The following NDRG4 variants were observed in gnomAD, a reference collection of about 807,000 sequenced individuals.
The protein encoded by NDRG4 is NDRG family member 4, also known as protein NDRG4.
In NDRG4, 38 loss-of-function variants were observed where a neutral mutation model predicts 55.8. That is an observed-to-expected ratio of 0.68 (90% CI 0.53 to 0.89). The LOEUF (loss-of-function observed/expected upper bound fraction) is 0.89, where lower values mean the gene tolerates loss of function less well. NDRG4 is among the 40% of genes least tolerant of loss of function. The probability of loss-of-function intolerance (pLI) is 0.00; values close to 1 mark genes in which losing one functional copy is unlikely to be tolerated. For missense variants in NDRG4, 455 were observed against 468.6 expected, an observed-to-expected ratio of 0.97 and a Z score of 0.27; for synonymous variants, 190 against 182.7, an observed-to-expected ratio of 1.04 and a Z score of -0.32.
At chr16:58,510,740 C>G in intron 14 of NDRG4, 57 bp downstream of exon 14, 1 of 1,457,562 alleles carries the variant, frequency 6.9e-7, no homozygotes, top group Non-Finnish European at 9.3e-7. Context: ...CTCCCCCGCT[C>G]CTTCCTCTGC....
intron 1 of NDRG4, among the ~76,000 whole-genome samples, chr16:58,477,033 G>A (rs967253185): frequency 6.6e-6 from 1 of 151,896 alleles, no homozygotes; most frequent in African/African-American, 2.4e-5. Flanking sequence ...AAAAACAATT[G>A]CAATCAAACG....
chr16:58,480,413 A>T (rs1869517416), intron 1 of NDRG4, among the ~76,000 whole-genome samples: 1 of 152,004 alleles, frequency 6.6e-6, no homozygotes, highest in African/African-American at 2.4e-5. Flanking sequence ...GAGCCACCGC[A>T]CCCGGCCCTG....
chr16:58,479,893 T>C (rs1323278436), intron 1 of NDRG4, among the ~76,000 whole-genome samples: 1 of 152,200 alleles, frequency 6.6e-6, no homozygotes, highest in Non-Finnish European at 1.5e-5. Context: ...TTCTCTGAAT[T>C]CCTATTCCAG....
intron 4 of NDRG4, 49 bp downstream of exon 4, chr16:58,504,470 A>C (rs1446291434): frequency 6.2e-7 from 1 of 1,611,764 alleles, no homozygotes; most frequent in Non-Finnish European, 8.5e-7. Flanking sequence ...TGCCTACCCC[A>C]ACTGCAGAGC....
In NDRG4 at chr16:58,509,354, T is replaced by G; in HGVS notation, c.865+2T>G. The G allele has an allele frequency of 1.2e-6, 2 of 1,613,386 alleles. No individual in the cohort carries two copies. Among genetic ancestry groups the G allele is most frequent in the Non-Finnish European group, 8.5e-7 (1 of 1,179,952 alleles). The stretch of plus-strand genomic sequence containing the variant: ...ACTTCCTGCAAGGCATGGGCTACAG[T>G]GAGTACATTTCCACCCCACCCCACA... On this transcript the variant is annotated splice_donor_variant, in intron 13 of 14. Transcript: ENST00000570248. LOFTEE classifies it high-confidence loss of function.
At chr16:58,499,384 G>A (rs552920542), upstream of NDRG4, 1 of 152,508 alleles carries the variant, frequency 6.6e-6, no homozygotes, top group East Asian at 1.9e-4. Flanking sequence ...TGAGGGTGGG[G>A]AGGGCAGAGC....
chr16:58,464,991 G>A lies in NDRG4; in HGVS notation c.-24+1194G>A. On this transcript the variant is annotated intron_variant, in intron 1 of 15. Transcript: ENST00000258187. The surrounding 1 kb of genome is among the most constrained non-coding windows in gnomAD (Gnocchi z 4.8). Reference sequence around the variant, plus strand: ...CCCTCAGCCTTGGGGCTCCTCTGGAGAAGTGATCAGTTGCCCTGCTGGAAA... The same window carrying A: ...CCCTCAGCCTTGGGGCTCCTCTGGAAAAGTGATCAGTTGCCCTGCTGGAAA... The A allele has an allele frequency of 8.2e-7, 1 of 1,226,182 alleles. No homozygotes were observed. Among genetic ancestry groups the A allele is most frequent in the Non-Finnish European group, 1.0e-6 (1 of 956,568 alleles). 76.0% of individuals were successfully genotyped at this position (1,226,182 alleles called of 1,614,324 possible).
chr16:58,481,557 A>G (rs2034403844), intron 1 of NDRG4, among the ~76,000 whole-genome samples: 1 of 152,172 alleles, frequency 6.6e-6, no homozygotes, highest in African/African-American at 2.4e-5. Flanking sequence ...GTCAAGTTCA[A>G]GTTTGACATA....
intron 1 of NDRG4, chr16:58,475,631 C>G (rs976885374): frequency 2.2e-6 from 1 of 455,958 alleles, no homozygotes; most frequent in Non-Finnish European, 4.4e-6. Flanking sequence ...ATAGAGGATT[C>G]CCAAATCATG....
chr16:58,507,668 T>A (rs1289036744), intron 8 of NDRG4, 140 bp from the exon 9 acceptor site: 4 of 807,136 alleles, frequency 5.0e-6, no homozygotes, highest in South Asian at 3.4e-5. Flanking sequence ...CAAAAAGCCG[T>A]GACAGGGAGC....
At chr16:58,476,581 AG>A (rs1411168959) in intron 1 of NDRG4, among the ~76,000 whole-genome samples, 4 of 152,150 alleles carry the variant, frequency 2.6e-5, no homozygotes, top group Non-Finnish European at 5.9e-5. Flanking sequence ...TCTGTTGGCA[AG>A]GGGGGCCTCA....
At chr16:58,515,376 A>C, downstream of NDRG4, 3 of 718,842 alleles carry the variant, frequency 4.2e-6, no homozygotes, top group South Asian at 6.0e-5. Flanking sequence ...CCTGGACTCA[A>C]GATGTTTTCA....
intron 1 of NDRG4, among the ~76,000 whole-genome samples, chr16:58,475,165 T>C (rs2033449683): frequency 6.6e-6 from 1 of 152,242 alleles, no homozygotes; most frequent in South Asian, 2.1e-4. Context: ...GATATGTGTA[T>C]CTGGGAAATT....
chr16:58,471,186 CTTTTTTTTTTT>C (rs528375397), intron 1 of NDRG4, among the ~76,000 whole-genome samples: 6 of 67,070 alleles, frequency 8.9e-5, no homozygotes, highest in South Asian at 9.5e-4. Context: ...ATGTGTGTTG[CTTTTTTTTTTT>C]TTTTTTTTTT....
At position 58,464,309 on chromosome 16, in the gene NDRG4, T is replaced by A; in HGVS notation, c.-24+512T>A. On this transcript the variant is annotated intron_variant, in intron 1 of 15. Transcript: ENST00000258187. This position sits in a 1 kb window ranked among gnomAD's most constrained non-coding sequence, Gnocchi z 4.8. ...AGCGCTCCTGGCTGTGAGCTGCTCC[T>A]GCCGCTTCGCTCCGCGCTCTCCTGC... The A allele has an allele frequency of 1.2e-6, 1 of 832,656 alleles. No homozygotes were observed. Among genetic ancestry groups the A allele is most frequent in the Non-Finnish European group, 1.7e-6 (1 of 602,032 alleles). The allele number at this position is 832,656 out of a possible 1,614,324, so 51.6% of individuals were successfully genotyped here. A position where few individuals can be genotyped will look rare whatever the true frequency, so the allele number is the denominator to read the frequency against.
At chr16:58,494,032 C>T (rs1286429011) in intron 2 of NDRG4, among the ~76,000 whole-genome samples, 3 of 152,172 alleles carry the variant, frequency 2.0e-5, no homozygotes, top group South Asian at 2.1e-4. Flanking sequence ...TGTGCAGCCT[C>T]GTAACCTGTG....
rs1173508211 is a variant in NDRG4, at chr16:58,464,117, G to A, written c.-24+320G>A. On this transcript the variant is annotated intron_variant, in intron 1 of 15. Transcript: ENST00000258187. This position sits in a 1 kb window ranked among gnomAD's most constrained non-coding sequence, Gnocchi z 4.8. ...CTTTGTTCGGGCGGCGGGCACGGGG[G>A]ACCACCTCCCACGGTGTCACCGCAC... The A allele has an allele frequency of 2.8e-5, 9 of 319,802 alleles. No individual in the cohort carries two copies. The highest frequency in any genetic ancestry group is 5.1e-5 in the Non-Finnish European group (9 of 176,392). The allele number at this position is 319,802 out of a possible 1,614,324, so 19.8% of individuals were successfully genotyped here.
intron 2 of NDRG4, among the ~76,000 whole-genome samples, chr16:58,489,034 C>T (rs2035463710): frequency 6.6e-6 from 1 of 152,164 alleles, no homozygotes; most frequent in South Asian, 2.1e-4. Flanking sequence ...CATGGTGGCT[C>T]ACACCTATAA....
At chr16:58,482,871 C>G (rs2034631456) in intron 1 of NDRG4, among the ~76,000 whole-genome samples, 1 of 151,942 alleles carries the variant, frequency 6.6e-6, no homozygotes, top group African/African-American at 2.4e-5. Context: ...CAACCTCCAC[C>G]TCCCGGGCTC....
Sources: allele counts gnomAD v4.1 joint callset (sites outside exome capture counted in the v4.1 genomes callset), GRCh38; gene constraint gnomAD v4.1.1; non-coding constraint Gnocchi (gnomAD v3.1); transcripts MANE v1.5; gene names NCBI Gene and HGNC (gene_info 2026-07-23, HGNC 2026-07-21).